Variants in CSTPP1 observed in about 807,000 individuals in gnomAD.
The protein encoded by CSTPP1 is UPF0705 protein C11orf49.
At chr11:47,098,566 C>T in the CSTPP1 span, among the ~76,000 whole-genome samples, 4 of 147,966 alleles carry the variant, frequency 2.7e-5, no homozygotes, top group Admixed American at 1.4e-4. Flanking sequence ...AGTGCAGTGG[C>T]GGGATCTCGG....
the CSTPP1 span, among the ~76,000 whole-genome samples, chr11:47,039,548 C>T: frequency 1.2e-3 from 150 of 126,984 alleles, 7 homozygotes; most frequent in African/African-American, 3.5e-3. Context: ...AAGACTGTAC[C>T]TATCTGTTGG....
chr11:47,153,984 G>A, the CSTPP1 span, among the ~76,000 whole-genome samples: 4 of 151,902 alleles, frequency 2.6e-5, no homozygotes, highest in South Asian at 2.1e-4. Flanking sequence ...CTGTCTCACG[G>A]GCTGGAGTGC....
At chr11:47,128,510 T>G in the CSTPP1 span, among the ~76,000 whole-genome samples, 35 of 151,984 alleles carry the variant, frequency 2.3e-4, no homozygotes, top group African/African-American at 8.4e-4. Flanking sequence ...GTCTCTTGAG[T>G]AGCTGGGACT....
chr11:47,146,248 C>T, the CSTPP1 span, among the ~76,000 whole-genome samples: 1 of 151,676 alleles, frequency 6.6e-6, no homozygotes, highest in African/African-American at 2.4e-5. Flanking sequence ...GCCTGTAATT[C>T]CAGCTACTTG....
At chr11:47,039,030 C>A in the CSTPP1 span, among the ~76,000 whole-genome samples, 2 of 121,888 alleles carry the variant, frequency 1.6e-5, 1 homozygote, top group South Asian at 5.4e-4. Flanking sequence ...GGATGGCGGC[C>A]GGGCAGAGAC....
At chr11:47,049,735 TCCTC>T in the CSTPP1 span, among the ~76,000 whole-genome samples, 14 of 151,666 alleles carry the variant, frequency 9.2e-5, no homozygotes, top group African/African-American at 3.4e-4. Context: ...GCTCAAGCGA[TCCTC>T]CATCCTCAGC....
the CSTPP1 span, among the ~76,000 whole-genome samples, chr11:47,146,365 C>CA: frequency 1.2e-4 from 9 of 73,758 alleles, no homozygotes; most frequent in Admixed American, 1.4e-4. Context: ...AACTCTGTCT[C>CA]AAAAAAAAAA....
the CSTPP1 span, among the ~76,000 whole-genome samples, chr11:47,023,781 A>T: frequency 1.3e-5 from 2 of 152,176 alleles, no homozygotes; most frequent in Non-Finnish European, 2.9e-5. Context: ...ACCATGTATC[A>T]GATTTCCTTC....
the CSTPP1 span, among the ~76,000 whole-genome samples, chr11:47,077,368 T>G: frequency 6.6e-6 from 1 of 151,728 alleles, no homozygotes; most frequent in Non-Finnish European, 1.5e-5. Flanking sequence ...CCCAGCTAAT[T>G]TTTTGTATTT....
chr11:47,118,036 C>T, the CSTPP1 span, among the ~76,000 whole-genome samples: 3 of 151,824 alleles, frequency 2.0e-5, no homozygotes, highest in Non-Finnish European at 2.9e-5. Flanking sequence ...CCTGCCACCA[C>T]GCCCAGCTAA....
At chr11:47,128,007 G>A in the CSTPP1 span, among the ~76,000 whole-genome samples, 6 of 152,186 alleles carry the variant, frequency 3.9e-5, no homozygotes, top group South Asian at 1.2e-3. Flanking sequence ...CTCCTAAGTA[G>A]CTGGGATTAC....
At chr11:47,164,292 G>A in the CSTPP1 span, 1 of 1,579,394 alleles carries the variant, frequency 6.3e-7, no homozygotes, top group South Asian at 1.2e-5. Flanking sequence ...AGGATCCAGA[G>A]GACACTGCTT....
At chr11:46,953,610 T>A in the CSTPP1 span, among the ~76,000 whole-genome samples, 1 of 152,126 alleles carries the variant, frequency 6.6e-6, no homozygotes, top group Non-Finnish European at 1.5e-5. Context: ...TAAAAAAAAA[T>A]TTATCAACCC....
At chr11:46,987,560 A>T in the CSTPP1 span, 1 of 381,728 alleles carries the variant, frequency 2.6e-6, no homozygotes, top group Admixed American at 3.8e-5. Flanking sequence ...GATCTATTAG[A>T]TCTATTTCTG....
the CSTPP1 span, chr11:47,157,171 G>A: frequency 1.1e-5 from 18 of 1,609,848 alleles, no homozygotes; most frequent in Admixed American, 5.0e-5. Context: ...TGGAGGCGTC[G>A]CTGTTCTACC....
the CSTPP1 span, chr11:47,041,907 A>G: frequency 6.7e-6 from 2 of 297,990 alleles, 1 homozygote; most frequent in Non-Finnish European, 1.4e-5. Flanking sequence ...TTAAGGCTGC[A>G]TTTCTCAATG....
the CSTPP1 span, among the ~76,000 whole-genome samples, chr11:47,111,201 C>G: frequency 2.8e-3 from 421 of 152,184 alleles, 4 homozygotes; most frequent in African/African-American, 9.4e-3. Flanking sequence ...CTCAAGAGTC[C>G]TTCACCCAAA....
chr11:47,017,053 G>A, the CSTPP1 span, among the ~76,000 whole-genome samples: 6 of 148,536 alleles, frequency 4.0e-5, no homozygotes, highest in Admixed American at 2.7e-4. Flanking sequence ...AGTTTTCACC[G>A]TGTTAGCCAG....
At chr11:47,067,774 G>A in the CSTPP1 span, among the ~76,000 whole-genome samples, 4 of 152,156 alleles carry the variant, frequency 2.6e-5, no homozygotes, top group African/African-American at 4.8e-5. Context: ...TATTTGTTAC[G>A]GCAGCCCGGA....
Sources: gnomAD v4.1 joint callset for allele counts (sites outside exome capture counted in the v4.1 genomes callset) on GRCh38, gnomAD v4.1.1 for gene constraint, MANE v1.5 for transcripts, NCBI Gene and HGNC (gene_info 2026-07-23, HGNC 2026-07-21) for gene names.